PFKP: variants seen among roughly 807,000 people sequenced by gnomAD.
PFKP encodes ATP-dependent 6-phosphofructokinase, platelet type.
A neutral mutation model predicts 94.3 loss-of-function variants in PFKP; 101 were observed. That is an observed-to-expected ratio of 1.07 (90% CI 0.91 to 1.26). The LOEUF (loss-of-function observed/expected upper bound fraction) is 1.26, where lower values mean the gene tolerates loss of function less well. Among genes scored for constraint, PFKP ranks in the 50% most tolerant of loss-of-function variants. The probability of loss-of-function intolerance (pLI) is 0.00; values close to 1 mark genes in which losing one functional copy is unlikely to be tolerated. For missense variants in PFKP, 1,145 were observed against 1,103.3 expected, an observed-to-expected ratio of 1.04 and a Z score of -0.53; for synonymous variants, 573 against 432.6, an observed-to-expected ratio of 1.32 and a Z score of -4.03.
At chr10:3,134,145 TTCTTAAAGAATC>T (rs1436758128) in intron 19 of PFKP, among the ~76,000 whole-genome samples, 2 of 152,208 alleles carry the variant, frequency 1.3e-5, no homozygotes, top group African/African-American at 4.8e-5. Flanking sequence ...ATGTGTGATC[TTCTTAAAGAATC>T]CACAACGGTT....
At chr10:3,120,177 T>C (rs1452239510) in intron 16 of PFKP, 133 bp downstream of exon 16, 3 of 746,454 alleles carry the variant, frequency 4.0e-6, no homozygotes, top group African/African-American at 3.5e-5. Flanking sequence ...GTTCTTTTTT[T>C]CCCCCAGAAA....
chr10:3,112,903 C>T (rs1298555804), intron 11 of PFKP, among the ~76,000 whole-genome samples: 1 of 152,222 alleles, frequency 6.6e-6, no homozygotes, highest in East Asian at 1.9e-4. Context: ...AGAAGCGTGC[C>T]CTTTTCTCTT....
At chr10:3,104,909 A>C (rs1835386062) in intron 5 of PFKP, 4 of 642,566 alleles carry the variant, frequency 6.2e-6, no homozygotes, top group Non-Finnish European at 1.1e-5. Context: ...CCTTCCTCGC[A>C]GGAGTCTGGA....
intron 14 of PFKP, among the ~76,000 whole-genome samples, chr10:3,118,413 A>C (rs1837042783): frequency 6.6e-6 from 1 of 152,162 alleles, no homozygotes; most frequent in African/African-American, 2.4e-5. Context: ...GCTTGCAGTG[A>C]GCTGAGATTA....
At chr10:3,115,327 ACG>A (rs1836686323) in intron 13 of PFKP, among the ~76,000 whole-genome samples, 18 of 97,176 alleles carry the variant, frequency 1.9e-4, no homozygotes, top group Admixed American at 2.0e-4. Context: ...TGTGTGTCCC[ACG>A]GCGGAGGACA....
At chr10:3,077,261 C>CTTTTCTTT (rs1832678032) in intron 1 of PFKP, among the ~76,000 whole-genome samples, 15 of 84,238 alleles carry the variant, frequency 1.8e-4, no homozygotes, top group Non-Finnish European at 2.7e-4. Context: ...TTTTTTTTTT[C>CTTTTCTTT]TTTTTTTTTT....
chr10:3,100,839 A>G (rs1449760789), intron 3 of PFKP: 1 of 672,482 alleles, frequency 1.5e-6, no homozygotes, highest in East Asian at 2.5e-5. Flanking sequence ...TAGCTCTTTA[A>G]AAGGGGCAGC....
Position 3,116,749 on chromosome 10 carries a change from C to A in PFKP, c.1372-27C>A, listed in dbSNP as rs777066096. The stretch of plus-strand genomic sequence containing the variant: ...ACTTGCCTTTCATTGTTCACTTTAG[C>A]TGTTTCGTTCTGTGTTTGCACATTA... On this transcript the variant is annotated intron_variant, in intron 13 of 21. Coordinates refer to ENST00000381125, the MANE Select transcript of PFKP (RefSeq NM_002627.5). 13 of 1,577,104 alleles carry A rather than the reference C, an allele frequency of 8.2e-6. No homozygotes were observed. The Middle Eastern group carries it at 5.0e-4, about 61-fold the overall frequency.
intron 16 of PFKP, among the ~76,000 whole-genome samples, chr10:3,121,153 T>A (rs1837360003): frequency 2.6e-5 from 4 of 152,250 alleles, no homozygotes; most frequent in African/African-American, 9.6e-5. Context: ...CTTTCTTCAC[T>A]TTCTTTGCGA....
At chr10:3,084,507 G>A (rs977644700) in intron 2 of PFKP, among the ~76,000 whole-genome samples, 3 of 152,242 alleles carry the variant, frequency 2.0e-5, no homozygotes, top group East Asian at 1.9e-4. Context: ...GTATTTATGC[G>A]ATTTGGGCAA....
At chr10:3,103,113 T>C (rs1013120705) in intron 4 of PFKP, among the ~76,000 whole-genome samples, 2 of 152,260 alleles carry the variant, frequency 1.3e-5, no homozygotes, top group African/African-American at 4.8e-5. Flanking sequence ...GTGTCTTAGA[T>C]TCTTAATTCC....
chr10:3,102,249 TCAAAA>T (rs1835088360), intron 4 of PFKP, among the ~76,000 whole-genome samples: 1 of 13,606 alleles, frequency 7.3e-5, no homozygotes. Context: ...AGACTCTGTC[TCAAAA>T]AAAAAAAAAA....
rs903484944 is a variant in PFKP at position 3,075,306 on chromosome 10, TG to T, written c.113-7075del. 5.3e-5 allele frequency among the ~76,000 whole-genome samples: 8 copies of T among 152,020 alleles called. No homozygotes were observed. In the East Asian group the frequency reaches 9.7e-4, roughly 19 times the overall value. ...TTTAGGGTCAGTTTATGGCCAGATT[TG>T]GGGGGGCCTGCTCCCAACAGAATGG... On this transcript the variant is annotated intron_variant, in intron 1 of 21. Transcript: ENST00000381125.
chr10:3,098,085 G>T (rs185402282), intron 2 of PFKP, among the ~76,000 whole-genome samples: 1 of 152,160 alleles, frequency 6.6e-6, no homozygotes. Context: ...ATACAAATTG[G>T]CCAGCTATCA....
chr10:3,095,225 G>A (rs531958835), intron 2 of PFKP, among the ~76,000 whole-genome samples: 13 of 152,156 alleles, frequency 8.5e-5, no homozygotes, highest in African/African-American at 2.9e-4. Flanking sequence ...TGAGACGTCC[G>A]AGAAAGCCAC....
chr10:3,069,659 G>C (rs900240466), intron 1 of PFKP, among the ~76,000 whole-genome samples: 8 of 152,110 alleles, frequency 5.3e-5, no homozygotes, highest in Non-Finnish European at 1.0e-4. Context: ...GAGGCAGGAG[G>C]CTCGCTTGAG....
chr10:3,105,046 T>G, intron 5 of PFKP, 69 bp from the exon 6 acceptor site: 1 of 1,443,852 alleles, frequency 6.9e-7, no homozygotes, highest in Non-Finnish European at 9.7e-7. Flanking sequence ...TTTCCAGGAC[T>G]GAGTGGGTGC....
chr10:3,118,989 G>A, intron 15 of PFKP, 120 bp downstream of exon 15: 1 of 688,046 alleles, frequency 1.5e-6, no homozygotes. Flanking sequence ...CCCAGACCCA[G>A]CGGCCACTGG....
At position 3,109,388 on chromosome 10, in the gene PFKP, T is replaced by A. The variant is rs1187707111; in HGVS notation, c.997T>A (p.Leu333Met). The A allele has an allele frequency of 6.2e-7, 1 of 1,610,732 alleles. No individual in the cohort carries two copies. The highest frequency in any genetic ancestry group is 1.7e-5 in the Admixed American group (1 of 60,010). ...SRMGVEAVIA[L>M]LEATPDTPAC... ...CATGGGAGTGGAGGCAGTCATCGCCTTGCTAGAGGCCACCCCGGACACCCC... is the reference window on the plus strand; with the variant it reads ...CATGGGAGTGGAGGCAGTCATCGCCATGCTAGAGGCCACCCCGGACACCCC... The change falls in exon 10 of 22, where the codon TTG becomes ATG. Residue 333 changes from leucine to methionine, a missense_variant. Coordinates refer to ENST00000381125, the MANE Select transcript of PFKP (RefSeq NM_002627.5).
Sources: allele counts gnomAD v4.1 joint callset (sites outside exome capture counted in the v4.1 genomes callset), GRCh38; gene constraint gnomAD v4.1.1; transcripts MANE v1.5; gene names NCBI Gene and HGNC (gene_info 2026-07-23, HGNC 2026-07-21).